NPTX1: variants seen among roughly 807,000 people sequenced by gnomAD.
NPTX1 encodes the protein neuronal pentraxin-1.
NPTX1 carries 12 observed loss-of-function variants against 38.7 expected under a neutral mutation model. The ratio of observed to expected loss-of-function variants is 0.31; its 90% confidence interval spans 0.20 to 0.50. NPTX1 has a LOEUF of 0.50. NPTX1 is among the 20% of genes least tolerant of loss of function. NPTX1 has a pLI of 0.98. For missense variants in NPTX1, 454 were observed against 592.2 expected, an observed-to-expected ratio of 0.77 and a Z score of 2.42; for synonymous variants, 272 against 264.9, an observed-to-expected ratio of 1.03 and a Z score of -0.26.
rs2083876841 is a variant in NPTX1 at position 80,475,751 on chromosome 17, G to A, written c.445-33C>T. On this transcript the variant is annotated intron_variant, in intron 1 of 4. Coordinates refer to ENST00000306773, the MANE Select transcript of NPTX1 (RefSeq NM_002522.4). The surrounding 1 kb of genome is among the most constrained non-coding windows in gnomAD (Gnocchi z 6.5). ...GTGCAAGGGCGGGGGAAACCACACC[G>A]TTAGGCGAGGCGCGGGGACCGTGCT... 1.3e-6 allele frequency: 2 copies of A among 1,515,300 alleles called. No homozygotes were observed. Among genetic ancestry groups the A allele is most frequent in the Non-Finnish European group, 1.8e-6 (2 of 1,101,462 alleles). 93.9% of individuals were successfully genotyped at this position (1,515,300 alleles called of 1,614,324 possible).
At chr17:80,473,752 G>A (rs2083856481) in intron 2 of NPTX1, 3 of 393,278 alleles carry the variant, frequency 7.6e-6, no homozygotes, top group South Asian at 2.7e-5. Context: ...ACACTGGGCT[G>A]CGTGGTGGGC....
chr17:80,474,130 C>G (rs2083859647), intron 2 of NPTX1: 1 of 152,746 alleles, frequency 6.5e-6, no homozygotes, highest in African/African-American at 2.4e-5. Context: ...CAGGGCTCCC[C>G]AAGGTGACTG....
intron 3 of NPTX1, among the ~76,000 whole-genome samples, chr17:80,472,830 C>T (rs2083849697): frequency 6.6e-6 from 1 of 152,214 alleles, no homozygotes; most frequent in Non-Finnish European, 1.5e-5. Context: ...AAGGACCCCT[C>T]ACCCCGCTAG....
rs888858995 is a variant in NPTX1 at position 80,467,925 on chromosome 17, C to T, written c.*2888G>A. 1 of 152,630 alleles carries T rather than the reference C, an allele frequency of 6.6e-6. No homozygotes were observed. The highest frequency in any genetic ancestry group is 2.4e-5 in the African/African-American group (1 of 41,464). 9.5% of individuals were successfully genotyped at this position (152,630 alleles called of 1,614,324 possible). A position where few individuals can be genotyped will look rare whatever the true frequency, so the allele number is the denominator to read the frequency against. On this transcript the variant is annotated 3_prime_UTR_variant, in exon 5 of 5. Transcript: ENST00000306773. The stretch of plus-strand genomic sequence containing the variant: ...CAAGTGGGATCTAAGCCCCTGAGGG[C>T]CCGGAGAGCTTCTGTCAACAGCTCT...
Position 80,475,437 on chromosome 17 carries a change from T to G in NPTX1, c.652+74A>C. On this transcript the variant is annotated intron_variant, in intron 2 of 4. Transcript: ENST00000306773. The surrounding 1 kb of genome is among the most constrained non-coding windows in gnomAD (Gnocchi z 6.5). Reference sequence around the variant, plus strand: ...GCTTGCACAGTGCAGAGCTGGGCTGTTAGGGATCGGGACCGAGGCAGGGTC... The same window carrying G: ...GCTTGCACAGTGCAGAGCTGGGCTGGTAGGGATCGGGACCGAGGCAGGGTC... 9.2e-7 allele frequency: 1 copy of G among 1,084,808 alleles called. No homozygotes were observed. Among genetic ancestry groups the G allele is most frequent in the Non-Finnish European group, 1.3e-6 (1 of 777,050 alleles). 67.2% of individuals were successfully genotyped at this position (1,084,808 alleles called of 1,614,324 possible).
intron 2 of NPTX1, 85 bp from the exon 3 acceptor site, chr17:80,473,529 T>C: frequency 7.1e-7 from 1 of 1,398,864 alleles, no homozygotes; most frequent in Non-Finnish European, 9.9e-7. Flanking sequence ...CCAAGCTCTG[T>C]GATGCGTGGC....
intron 3 of NPTX1, among the ~76,000 whole-genome samples, chr17:80,472,378 C>T (rs377026862): frequency 1.4e-4 from 22 of 152,324 alleles, no homozygotes; most frequent in South Asian, 6.2e-4. Flanking sequence ...AAGCTTTTGC[C>T]GAGGATCTGA....
rs2083852761 is a variant in NPTX1 at position 80,473,239 on chromosome 17, C to T, written c.858G>A (p.Glu286=). 1.2e-6 allele frequency: 2 copies of T among 1,613,640 alleles called. No individual in the cohort carries two copies. The highest frequency in any genetic ancestry group is 2.7e-5 in the African/African-American group (2 of 74,948). Residue 286 remains glutamate, a synonymous_variant, in exon 3 of 5, where the codon GAG becomes GAA. Coordinates refer to ENST00000306773, the MANE Select transcript of NPTX1 (RefSeq NM_002522.4). ...PGQANELVLI[E]WGNNPMEILI... The stretch of plus-strand genomic sequence containing the variant: ...GGATCTCCATGGGGTTGTTGCCCCA[C>T]TCAATGAGGACCAGCTCGTTGGCCT...
rs2083872529 is a variant in NPTX1 at position 80,475,306 on chromosome 17, A to G, written c.652+205T>C. On this transcript the variant is annotated intron_variant, in intron 2 of 4. Transcript: ENST00000306773. This position sits in a 1 kb window ranked among gnomAD's most constrained non-coding sequence, Gnocchi z 6.5. Reference sequence around the variant, plus strand: ...CTTTCCCAGAGACAGCCCCAGCCCAAGGCACCCAGCCCTGATAGAAACACC... The same window carrying G: ...CTTTCCCAGAGACAGCCCCAGCCCAGGGCACCCAGCCCTGATAGAAACACC... Among the ~76,000 whole-genome samples the G allele has an allele frequency of 6.6e-6, 1 of 152,202 alleles. No homozygotes were observed. Among genetic ancestry groups the G allele is most frequent in the Non-Finnish European group, 1.5e-5 (1 of 68,020 alleles).
Position 80,471,927 on chromosome 17 carries a change from A to G in NPTX1, c.898-16T>C. On this transcript the variant is annotated splice_polypyrimidine_tract_variant and intron_variant, in intron 3 of 4. Transcript: ENST00000306773. ...ACTTGGCCACCTGGGAAGGAGAATG[A>G]CAGACGCCAGCTGGTGAGTACAGGG... 1 of 1,603,796 alleles carries G rather than the reference A, an allele frequency of 6.2e-7. No homozygotes were observed.
rs1302894836 is a variant in NPTX1, at chr17:80,469,609, G to A, written c.*1204C>T. ...GGGTTTCAGGCCCCTGCCCTGGCCA[G>A]GCCTGGCTCCACACGTGAGGTCTCT... On this transcript the variant is annotated 3_prime_UTR_variant, in exon 5 of 5. Transcript: ENST00000306773. The A allele has an allele frequency of 2.0e-5, 3 of 152,272 alleles. No homozygotes were observed. The highest frequency in any genetic ancestry group is 1.3e-4 in the Admixed American group (2 of 15,288). 9.4% of individuals were successfully genotyped at this position (152,272 alleles called of 1,614,324 possible).
chr17:80,472,754 A>G (rs2083849217), intron 3 of NPTX1, among the ~76,000 whole-genome samples: 2 of 152,258 alleles, frequency 1.3e-5, no homozygotes. Context: ...GGGATCACAC[A>G]GACCTGTCCT....
In NPTX1 at chr17:80,475,112, C is replaced by T. The variant is rs916755894; in HGVS notation, c.652+399G>A. On this transcript the variant is annotated intron_variant, in intron 2 of 4. Transcript: ENST00000306773. This position sits in a 1 kb window ranked among gnomAD's most constrained non-coding sequence, Gnocchi z 6.5. ...GCGCCCAGCCCCAGCCTGCACCCAGCTGTACGCTGAGGCTGGGGACCAGGG... is the reference window on the plus strand; with the variant it reads ...GCGCCCAGCCCCAGCCTGCACCCAGTTGTACGCTGAGGCTGGGGACCAGGG... Among the ~76,000 whole-genome samples the T allele has an allele frequency of 4.6e-5, 7 of 152,336 alleles. No individual in the cohort carries two copies. The East Asian group carries it at 1.4e-3, about 29-fold the overall frequency.
rs1036885333 is a variant in NPTX1 at position 80,468,909 on chromosome 17, C to T, written c.*1904G>A. On this transcript the variant is annotated 3_prime_UTR_variant, in exon 5 of 5. Coordinates refer to ENST00000306773, the MANE Select transcript of NPTX1 (RefSeq NM_002522.4). ...CTGCAGATCCAAGGATGCCACAACC[C>T]GACGGGCGCTGAGGAAGCACGATTA... is the stretch of plus-strand genomic sequence containing the variant. 7.9e-5 allele frequency: 12 copies of T among 152,248 alleles called. No individual in the cohort carries two copies. The highest frequency in any genetic ancestry group is 2.9e-4 in the African/African-American group (12 of 41,446). The allele number at this position is 152,248 out of a possible 1,614,324, so 9.4% of individuals were successfully genotyped here.
Position 80,475,595 on chromosome 17 carries a change from C to T in NPTX1, c.568G>A (p.Gly190Ser). Residue 190 changes from glycine (G) to serine (S), a missense_variant, in exon 2 of 5, where the codon GGC becomes AGC. Physicochemically the swap from Gly to Ser is moderately conservative, Grantham distance 56 (BLOSUM62 0). Coordinates refer to ENST00000306773, the MANE Select transcript of NPTX1 (RefSeq NM_002522.4). The surrounding 1 kb of genome is among the most constrained non-coding windows in gnomAD (Gnocchi z 6.5). Reference sequence around the variant, plus strand: ...CTCTCCTCGGTGTCGTTCCTGGGGCCCCCCTTGCCCTCCTCCAGGGTGTTC... The same window carrying T: ...CTCTCCTCGGTGTCGTTCCTGGGGCTCCCCTTGCCCTCCTCCAGGGTGTTC... ...RVNTLEEGKG[G>S]PRNDTEERVK... The T allele has an allele frequency of 3.7e-6, 6 of 1,612,804 alleles. No homozygotes were observed. The highest frequency in any genetic ancestry group is 5.1e-6 in the Non-Finnish European group (6 of 1,179,852).
At position 80,476,202 on chromosome 17, in the gene NPTX1, A is replaced by C; in HGVS notation, c.245T>G (p.Leu82Arg). ...ILSQKETIRE[L>R]TAKLGRCESQ... ...CTCGCAGCGGCCCAGCTTGGCGGTC[A>C]GCTCGCGGATGGTCTCCTTCTGGCT... The change falls in exon 1 of 5, where the codon CTG becomes CGG. Residue 82 changes from leucine (L) to arginine (R), a missense_variant. Physicochemically the swap from Leu to Arg is moderately radical, Grantham distance 102. This residue lies in a region of NPTX1 where 288 missense variants were observed against 318.4 expected (regional missense o/e 0.90). Coordinates refer to ENST00000306773, the MANE Select transcript of NPTX1 (RefSeq NM_002522.4). This position sits in a 1 kb window ranked among gnomAD's most constrained non-coding sequence, Gnocchi z 6.3. 6.3e-7 allele frequency: 1 copy of C among 1,576,322 alleles called. No homozygotes were observed. Among genetic ancestry groups the C allele is most frequent in the Non-Finnish European group, 8.6e-7 (1 of 1,167,474 alleles).
chr17:80,471,653 T>C, intron 4 of NPTX1, 79 bp downstream of exon 4: 1 of 1,532,784 alleles, frequency 6.5e-7, no homozygotes. Flanking sequence ...GCTACCTCCC[T>C]CCCTCCTTGC....
intron 2 of NPTX1, among the ~76,000 whole-genome samples, chr17:80,474,849 G>A (rs1356324589): frequency 7.5e-6 from 1 of 133,062 alleles, no homozygotes; most frequent in African/African-American, 2.6e-5. Context: ...GCGACTTCAA[G>A]ACAGAGCCTC....
Position 80,472,760 on chromosome 17 carries a change from GTCC to G in NPTX1, c.897+437_897+439del, listed in dbSNP as rs552658674. ...CTGTTCCAAGGGATCACACAGACCTGTCCTCCTCCCGAGAGTTAGGGGGCTGAG... is the reference window on the plus strand; with the variant it reads ...CTGTTCCAAGGGATCACACAGACCTGTCCTCCCGAGAGTTAGGGGGCTGAG... On this transcript the variant is annotated intron_variant, in intron 3 of 4. Coordinates refer to ENST00000306773, the MANE Select transcript of NPTX1 (RefSeq NM_002522.4). 1.6e-4 allele frequency among the ~76,000 whole-genome samples: 25 copies of G among 152,334 alleles called. No homozygotes were observed. The East Asian group carries it at 4.2e-3, about 26-fold the overall frequency.
Sources: allele counts gnomAD v4.1 joint callset (sites outside exome capture counted in the v4.1 genomes callset), GRCh38; gene constraint gnomAD v4.1.1; regional missense constraint gnomAD v4.1.1; non-coding constraint Gnocchi (gnomAD v3.1); transcripts MANE v1.5; gene names NCBI Gene and HGNC (gene_info 2026-07-23, HGNC 2026-07-21).